PRELID2: variants seen among roughly 807,000 people sequenced by gnomAD.
PRELID2 encodes the protein PRELI domain-containing protein 2.
PRELID2 carries 25 observed loss-of-function variants against 28.4 expected under a neutral mutation model. The ratio of observed to expected loss-of-function variants is 0.88; its 90% CI spans 0.64 to 1.23. The LOEUF (loss-of-function observed/expected upper bound fraction) is 1.23, where lower values mean the gene tolerates loss of function less well. PRELID2 is among the 50% of genes most tolerant of loss of function. The pLI is 0.00. For missense variants in PRELID2, 201 were observed against 214.4 expected (o/e 0.94, Z 0.39); for synonymous variants, 76 against 71.6 (o/e 1.06, Z -0.31).
chr5:145,389,689 C>A, the PRELID2 span, among the ~76,000 whole-genome samples: 1 of 151,872 alleles, frequency 6.6e-6, no homozygotes, highest in Non-Finnish European at 1.5e-5. Flanking sequence ...GCATGGCATA[C>A]AAATTTGGAA....
At chr5:145,697,061 A>ATG (rs1755290524) in intron 1 of PRELID2, among the ~76,000 whole-genome samples, 1 of 123,652 alleles carries the variant, frequency 8.1e-6, no homozygotes, top group African/African-American at 3.8e-5. Flanking sequence ...ATATATATAT[A>ATG]TATATATATA....
intron 5 of PRELID2, among the ~76,000 whole-genome samples, chr5:145,767,991 C>G (rs1757870176): frequency 6.6e-6 from 1 of 152,000 alleles, no homozygotes; most frequent in Non-Finnish European, 1.5e-5. Context: ...CTTTGGGAGG[C>G]CGAGGCAGGT....
chr5:145,379,155 C>A, the PRELID2 span, among the ~76,000 whole-genome samples: 2 of 152,154 alleles, frequency 1.3e-5, no homozygotes, highest in African/African-American at 4.8e-5. Flanking sequence ...TGGGTCCCAA[C>A]TTTGTTCTCT....
chr5:145,718,593 G>A (rs1755902804), intron 1 of PRELID2, among the ~76,000 whole-genome samples: 1 of 151,784 alleles, frequency 6.6e-6, no homozygotes, highest in African/African-American at 2.4e-5. Context: ...CCCATGCTTA[G>A]CTAAGTAAAC....
At chr5:145,446,340 T>C in the PRELID2 span, among the ~76,000 whole-genome samples, 2 of 151,962 alleles carry the variant, frequency 1.3e-5, no homozygotes, top group Admixed American at 6.6e-5. Context: ...AAGACAATTA[T>C]GTGAAAAAAA....
At chr5:145,349,919 T>C in the PRELID2 span, among the ~76,000 whole-genome samples, 2 of 152,160 alleles carry the variant, frequency 1.3e-5, no homozygotes, top group Non-Finnish European at 2.9e-5. Flanking sequence ...ATTTATTCAG[T>C]AAACAATTAT....
At chr5:145,540,237 ATATG>A (rs1752735033) in intron 1 of PRELID2, among the ~76,000 whole-genome samples, 1 of 151,968 alleles carries the variant, frequency 6.6e-6, no homozygotes, top group Non-Finnish European at 1.5e-5. Context: ...GAATTTACTT[ATATG>A]TTCCTCCATC....
chr5:145,749,807 C>T (rs1757082480), intron 1 of PRELID2, among the ~76,000 whole-genome samples: 1 of 152,100 alleles, frequency 6.6e-6, no homozygotes, highest in Non-Finnish European at 1.5e-5. Flanking sequence ...AGATCTTGTC[C>T]TTTGCAGAGA....
At chr5:145,597,910 T>A (rs1753332959) in intron 1 of PRELID2, among the ~76,000 whole-genome samples, 1 of 152,198 alleles carries the variant, frequency 6.6e-6, no homozygotes, top group Non-Finnish European at 1.5e-5. Context: ...TGGAGATTTA[T>A]AAGCTATTTT....
intron 1 of PRELID2, among the ~76,000 whole-genome samples, chr5:145,830,136 G>T (rs545554496): frequency 6.6e-6 from 1 of 152,322 alleles, no homozygotes; most frequent in South Asian, 2.1e-4. Flanking sequence ...CATTCATTCA[G>T]CAAGGATTTG....
the PRELID2 span, among the ~76,000 whole-genome samples, chr5:145,259,342 C>T: frequency 6.6e-6 from 1 of 152,118 alleles, no homozygotes; most frequent in African/African-American, 2.4e-5. Flanking sequence ...GATTCACTGA[C>T]AGTTTGCATT....
the PRELID2 span, among the ~76,000 whole-genome samples, chr5:145,457,527 C>T: frequency 0.011 from 1,610 of 152,204 alleles, 15 homozygotes; most frequent in African/African-American, 0.023. Flanking sequence ...TTCAGCCTCG[C>T]GGTGAGGACA....
At chr5:145,521,720 T>G (rs751066544) in intron 1 of PRELID2, among the ~76,000 whole-genome samples, 9 of 152,146 alleles carry the variant, frequency 5.9e-5, no homozygotes, top group Non-Finnish European at 1.2e-4. Flanking sequence ...CCACGCACTG[T>G]GTAGGGCAGA....
the PRELID2 span, among the ~76,000 whole-genome samples, chr5:145,325,951 C>T: frequency 0.019 from 2,930 of 152,216 alleles, 32 homozygotes; most frequent in Non-Finnish European, 0.029. Context: ...ACCACATGAA[C>T]GCTCCAAAAA....
At chr5:145,251,312 T>C in the PRELID2 span, among the ~76,000 whole-genome samples, 346 of 152,248 alleles carry the variant, frequency 2.3e-3, 1 homozygote, top group African/African-American at 6.9e-3. Context: ...TATTTTGCAT[T>C]TACAGAATAC....
At chr5:145,304,312 A>C in the PRELID2 span, among the ~76,000 whole-genome samples, 4 of 152,162 alleles carry the variant, frequency 2.6e-5, no homozygotes, top group Admixed American at 2.6e-4. Flanking sequence ...ATAGTAAAGG[A>C]AATTGAGGTT....
chr5:145,440,152 A>G, the PRELID2 span, among the ~76,000 whole-genome samples: 1 of 152,100 alleles, frequency 6.6e-6, no homozygotes, highest in Non-Finnish European at 1.5e-5. Flanking sequence ...GAACCGTTTA[A>G]ATAAGACCTG....
intron 1 of PRELID2, among the ~76,000 whole-genome samples, chr5:145,628,824 T>C (rs1323409586): frequency 6.6e-6 from 1 of 152,134 alleles, no homozygotes; most frequent in Non-Finnish European, 1.5e-5. Context: ...ATTAAAATGA[T>C]ATTAAAAAGC....
chr5:145,343,366 G>A, the PRELID2 span, among the ~76,000 whole-genome samples: 1 of 151,672 alleles, frequency 6.6e-6, no homozygotes, highest in Non-Finnish European at 1.5e-5. Context: ...TCAATACCAA[G>A]AGGAATTTTA....
Sources: gnomAD v4.1 joint callset for allele counts (sites outside exome capture counted in the v4.1 genomes callset) on GRCh38, gnomAD v4.1.1 for gene constraint, MANE v1.5 for transcripts, NCBI Gene and HGNC (gene_info 2026-07-23, HGNC 2026-07-21) for gene names.